Variants in HELLS observed in about 807,000 individuals in gnomAD.
HELLS encodes the protein lymphoid-specific helicase.
A neutral mutation model predicts 120.0 loss-of-function variants in HELLS; 32 were observed. The ratio of observed to expected loss-of-function variants is 0.27; its 90% confidence interval spans 0.20 to 0.36. The LOEUF is 0.36. HELLS is among the 10% of genes least tolerant of loss of function. The pLI, the probability that HELLS is intolerant of heterozygous loss-of-function variation, is 1.00. For missense variants in HELLS, 650 were observed against 993.4 expected (o/e 0.65, Z 4.65); for synonymous variants, 341 against 323.4 (o/e 1.05, Z -0.58).
intron 2 of HELLS, among the ~76,000 whole-genome samples, chr10:94,552,911 G>C (rs1208418757): frequency 6.6e-6 from 1 of 152,174 alleles, no homozygotes; most frequent in African/African-American, 2.4e-5. Flanking sequence ...CCCGGGATTT[G>C]GAGGCTGCAG....
chr10:94,613,260 A>G (rs1846211921), exon 10 of HELLS: 1 of 152,168 alleles, frequency 6.6e-6, no homozygotes. Flanking sequence ...CATTCTCATA[A>G]TGTGGCAATT....
chr10:94,583,915 TC>T lies in HELLS; in HGVS notation c.1326+857del, dbSNP rs201120008. On this transcript the variant is annotated intron_variant, in intron 12 of 21. Transcript: ENST00000348459. ...CTATCTCTTCCTCTTTTCAAAATTT[TC>T]AACAATATAAACAAGGTTGTAGTAT... 3,642 of 419,432 alleles carry T rather than the reference TC, an allele frequency of 8.7e-3. 23 individuals are homozygous for T. The highest frequency in any genetic ancestry group is 0.014 in the Middle Eastern group (23 of 1,688). The allele number at this position is 419,432 out of a possible 1,614,324, so 26.0% of individuals were successfully genotyped here.
chr10:94,590,605 C>T (rs376148038), intron 14 of HELLS, 33 bp from the exon 15 acceptor site: 5 of 1,604,672 alleles, frequency 3.1e-6, no homozygotes, highest in South Asian at 1.1e-5. Flanking sequence ...CCATTTTTTG[C>T]ATTTCCCATA....
At chr10:94,579,303 C>T (rs1406805026) in intron 10 of HELLS, among the ~76,000 whole-genome samples, 3 of 149,728 alleles carry the variant, frequency 2.0e-5, no homozygotes, top group Non-Finnish European at 3.0e-5. Context: ...CAGGTTCACA[C>T]CATTCTCCTG....
chr10:94,573,418 T>C (rs1311649791), intron 7 of HELLS, among the ~76,000 whole-genome samples: 1 of 152,192 alleles, frequency 6.6e-6, no homozygotes, highest in African/African-American at 2.4e-5. Context: ...AGTATGTGCC[T>C]GATTTTAATT....
intron 3 of HELLS, 65 bp downstream of exon 3, chr10:94,554,313 G>A: frequency 8.4e-7 from 1 of 1,197,562 alleles, no homozygotes; most frequent in Middle Eastern, 2.8e-4. Context: ...TTATTGAAGT[G>A]TATATTATAT....
rs777198935 is a variant in HELLS at position 94,568,208 on chromosome 10, C to CTT, written c.436-3165_436-3164dup. 6.6e-3 allele frequency among the ~76,000 whole-genome samples: 919 copies of CTT among 139,144 alleles called. 10 individuals carry two copies. Among genetic ancestry groups the CTT allele is most frequent in the Middle Eastern group, 0.027 (7 of 258 alleles). The allele number at this position is 139,144 out of a possible 152,430, so 91.3% of individuals were successfully genotyped here. ...CAGGCGTGAGCCACCGCGCCTGGCC[C>CTT]TTTTTTTTTTTTTTTTAAAGAGTAG... is the stretch of plus-strand genomic sequence containing the variant. On this transcript the variant is annotated intron_variant, in intron 6 of 21. Coordinates refer to ENST00000348459, the MANE Select transcript of HELLS (RefSeq NM_018063.5).
At chr10:94,580,276 G>A (rs953521335) in intron 10 of HELLS, among the ~76,000 whole-genome samples, 9 of 147,002 alleles carry the variant, frequency 6.1e-5, no homozygotes, top group Admixed American at 2.7e-4. Flanking sequence ...CCTGTCTCCC[G>A]GGCTCAAGCA....
intron 10 of HELLS, among the ~76,000 whole-genome samples, chr10:94,577,924 G>A (rs1217151414): frequency 6.6e-6 from 1 of 152,064 alleles, no homozygotes; most frequent in Non-Finnish European, 1.5e-5. Flanking sequence ...TTAGCCGGGC[G>A]CGGTGGCGGG....
chr10:94,594,889 A>C, intron 19 of HELLS, 35 bp downstream of exon 19: 1 of 1,455,154 alleles, frequency 6.9e-7, no homozygotes, highest in South Asian at 1.2e-5. Context: ...TATTGTTTAA[A>C]TTGTGCATTG....
intron 18 of HELLS, among the ~76,000 whole-genome samples, chr10:94,594,080 T>C (rs1359081617): frequency 6.6e-6 from 1 of 152,128 alleles, no homozygotes; most frequent in Non-Finnish European, 1.5e-5. Flanking sequence ...TTCTGAATTT[T>C]TAATTTTTAA....
chr10:94,569,576 T>C (rs1350034874), intron 6 of HELLS: 1 of 152,188 alleles, frequency 6.6e-6, no homozygotes, highest in Non-Finnish European at 1.5e-5. Flanking sequence ...AATAGGCTAA[T>C]TTTTATTTTT....
chr10:94,588,466 G>T, intron 13 of HELLS, 76 bp downstream of exon 13: 1 of 1,117,530 alleles, frequency 8.9e-7, no homozygotes, highest in Non-Finnish European at 1.3e-6. Flanking sequence ...TTTTTTGAGA[G>T]AAGGTGTCGC....
chr10:94,593,912 C>T (rs1017399974), intron 18 of HELLS, among the ~76,000 whole-genome samples: 6 of 151,510 alleles, frequency 4.0e-5, no homozygotes, highest in Admixed American at 6.6e-5. Context: ...CCGCCCACCT[C>T]GGCCTCCCAA....
chr10:94,592,813 A>G (rs548847195), intron 17 of HELLS, among the ~76,000 whole-genome samples: 2 of 151,908 alleles, frequency 1.3e-5, no homozygotes, highest in African/African-American at 4.8e-5. Flanking sequence ...ACTTTCTATT[A>G]TGAAAATATC....
rs376216126 is a variant in HELLS, at chr10:94,576,646, A to G, written c.889-16A>G. 32 of 1,454,324 alleles carry G rather than the reference A, an allele frequency of 2.2e-5. No individual in the cohort carries two copies. Among genetic ancestry groups the G allele is most frequent in the Admixed American group, 7.9e-5 (4 of 50,688 alleles). The allele number at this position is 1,454,324 out of a possible 1,614,324, so 90.1% of individuals were successfully genotyped here. ...TTGTTCTTAAGTCTGATAAAAATCA[A>G]TATAAAATTTTTCAGATCCCTACAA... On this transcript the variant is annotated splice_polypyrimidine_tract_variant and intron_variant, in intron 9 of 21. Coordinates refer to ENST00000348459, the MANE Select transcript of HELLS (RefSeq NM_018063.5).
At chr10:94,579,420 C>G (rs1021170598) in intron 10 of HELLS, among the ~76,000 whole-genome samples, 24 of 152,026 alleles carry the variant, frequency 1.6e-4, no homozygotes, top group South Asian at 1.0e-3. Context: ...CCAGGATGGT[C>G]TCGATCTCCT....
chr10:94,610,291 C>A (rs986437000), exon 10 of HELLS: 9 of 151,954 alleles, frequency 5.9e-5, no homozygotes, highest in Admixed American at 4.6e-4. Context: ...ATACTGTTTC[C>A]TAGAATTAAA....
At chr10:94,609,432 G>T (rs1440597609) in intron 9 of HELLS, among the ~76,000 whole-genome samples, 1 of 152,088 alleles carries the variant, frequency 6.6e-6, no homozygotes, top group Non-Finnish European at 1.5e-5. Flanking sequence ...TATTACCATG[G>T]ATTAATTCTG....
Sources: gnomAD v4.1 joint callset for allele counts (sites outside exome capture counted in the v4.1 genomes callset) on GRCh38, gnomAD v4.1.1 for gene constraint, MANE v1.5 for transcripts, NCBI Gene and HGNC (gene_info 2026-07-23, HGNC 2026-07-21) for gene names.